Variants in UBR3 observed in about 807,000 individuals in gnomAD.
UBR3 encodes ubiquitin protein ligase E3 component n-recognin 3.
A neutral mutation model predicts 243.2 loss-of-function variants in UBR3; 85 were observed. The ratio of observed to expected loss-of-function variants is 0.35; its 90% CI spans 0.29 to 0.42. The LOEUF is 0.42. Ranked by LOEUF, UBR3 falls within the 10% of genes least tolerant of loss-of-function variation. The pLI, the probability that UBR3 is intolerant of heterozygous loss-of-function variation, is 1.00. For synonymous variants in UBR3, 748 were observed against 799.8 expected (o/e 0.94, Z 1.09); for missense variants, 1,686 against 2,300.8 (o/e 0.73, Z 5.47).
intron 5 of UBR3, among the ~76,000 whole-genome samples, chr2:169,883,686 A>G (rs904999992): frequency 2.6e-5 from 4 of 152,210 alleles, no homozygotes; most frequent in Admixed American, 6.5e-5. Flanking sequence ...TAGTGGCACT[A>G]TCTCTTGGGA....
intron 23 of UBR3, among the ~76,000 whole-genome samples, chr2:169,952,371 G>A (rs1259206809): frequency 6.6e-6 from 1 of 152,082 alleles, no homozygotes; most frequent in Non-Finnish European, 1.5e-5. Flanking sequence ...TTAGTTAGGA[G>A]GTCATCCGTT....
In UBR3 at chr2:169,827,841, C is replaced by A; in HGVS notation, c.334C>A (p.Arg112=). Residue 112 remains arginine (R), a synonymous_variant, in exon 1 of 39, where the codon CGG becomes AGG. Transcript: ENST00000272793. ...GGYDEFCAAV[R]AYDPAALCGL... The stretch of plus-strand genomic sequence containing the variant: ...CTACGACGAGTTCTGCGCGGCGGTG[C>A]GGGCCTACGATCCCGCGGCGCTCTG... 1 of 1,504,412 alleles carries A rather than the reference C, an allele frequency of 6.6e-7. No homozygotes were observed. The allele number at this position is 1,504,412 out of a possible 1,614,324, so 93.2% of individuals were successfully genotyped here.
At chr2:169,846,507 C>G (rs867159230) in intron 1 of UBR3, among the ~76,000 whole-genome samples, 2 of 151,962 alleles carry the variant, frequency 1.3e-5, no homozygotes, top group East Asian at 1.9e-4. Context: ...GTCAGGAGTT[C>G]GAGACCAGCC....
At chr2:169,875,431 C>A (rs892639686) in intron 2 of UBR3, among the ~76,000 whole-genome samples, 1 of 152,114 alleles carries the variant, frequency 6.6e-6, no homozygotes, top group Non-Finnish European at 1.5e-5. Context: ...CAGGCTTAAG[C>A]CATCCTCCTG....
chr2:169,836,041 CTCTATA>C (rs1248262000), intron 1 of UBR3, among the ~76,000 whole-genome samples: 5 of 8,420 alleles, frequency 5.9e-4, no homozygotes, highest in East Asian at 9.8e-3. Context: ...CTCTCTCTCT[CTCTATA>C]TATATATATA....
intron 26 of UBR3, among the ~76,000 whole-genome samples, chr2:169,997,276 T>C (rs1428428813): frequency 6.6e-6 from 1 of 152,178 alleles, no homozygotes; most frequent in Non-Finnish European, 1.5e-5. Flanking sequence ...GCTGGCAGGC[T>C]GCGCTCAACT....
chr2:170,012,458 G>C (rs2090113541), intron 29 of UBR3, among the ~76,000 whole-genome samples: 1 of 152,078 alleles, frequency 6.6e-6, no homozygotes, highest in Admixed American at 6.5e-5. Context: ...TGGAGAGATG[G>C]AACTAATATA....
At chr2:169,914,752 A>G (rs1006116398) in intron 11 of UBR3, among the ~76,000 whole-genome samples, 6 of 152,186 alleles carry the variant, frequency 3.9e-5, no homozygotes, top group Non-Finnish European at 8.8e-5. Context: ...TGTTTCAGAC[A>G]GCTCACCCCC....
chr2:169,918,253 T>C (rs1446716056), intron 11 of UBR3, among the ~76,000 whole-genome samples: 2 of 152,046 alleles, frequency 1.3e-5, no homozygotes, highest in African/African-American at 2.4e-5. Flanking sequence ...ATAATTCAAC[T>C]AGCTATGTGG....
At chr2:170,031,204 C>T (rs977518439) in intron 31 of UBR3, among the ~76,000 whole-genome samples, 3 of 152,026 alleles carry the variant, frequency 2.0e-5, no homozygotes, top group Admixed American at 6.6e-5. Flanking sequence ...CAGCCTCTCC[C>T]GTGTTGCTAG....
In UBR3 at chr2:169,946,266, G is replaced by A. The variant is rs374771691; in HGVS notation, c.2806-22G>A. The stretch of plus-strand genomic sequence containing the variant: ...TTTTGTGGAAAAAAGTAATTATGAG[G>A]CATTTTCTTCCCTTTTTAAAGATTT... On this transcript the variant is annotated intron_variant, in intron 20 of 38. Transcript: ENST00000272793. The A allele has an allele frequency of 3.3e-4, 430 of 1,311,392 alleles. 1 individual carries two copies. The South Asian group carries it at 6.1e-3, about 19-fold the overall frequency. 81.2% of individuals were successfully genotyped at this position (1,311,392 alleles called of 1,614,324 possible). A position where few individuals can be genotyped will look rare whatever the true frequency, so the allele number is the denominator to read the frequency against.
chr2:169,912,103 A>G (rs1388057073), intron 10 of UBR3, among the ~76,000 whole-genome samples: 1 of 152,192 alleles, frequency 6.6e-6, no homozygotes, highest in East Asian at 1.9e-4. Flanking sequence ...AGCTTTTTAA[A>G]AAGGCATATT....
chr2:170,074,416 ACCATTGCTGATGCC>A (rs2091763397), intron 36 of UBR3, among the ~76,000 whole-genome samples: 1 of 152,082 alleles, frequency 6.6e-6, no homozygotes, highest in African/African-American at 2.4e-5. Context: ...CTGCTTAAAC[ACCATTGCTGATGCC>A]CCATTGCCTA....
intron 1 of UBR3, among the ~76,000 whole-genome samples, chr2:169,870,698 G>A (rs1238032191): frequency 6.6e-6 from 1 of 151,310 alleles, no homozygotes; most frequent in South Asian, 2.1e-4. Context: ...TAGTCACCCA[G>A]GCTGGAGTGC....
chr2:170,046,508 T>G (rs1439613371), intron 32 of UBR3, among the ~76,000 whole-genome samples: 1 of 152,210 alleles, frequency 6.6e-6, no homozygotes, highest in Non-Finnish European at 1.5e-5. Flanking sequence ...CCTGTGTGTG[T>G]CCTACAGACT....
At chr2:170,015,392 A>T (rs767159912) in intron 30 of UBR3, 26 bp downstream of exon 30, 8 of 1,535,548 alleles carry the variant, frequency 5.2e-6, no homozygotes, top group Admixed American at 4.0e-5. Context: ...TGCTAAATTT[A>T]AAAAAAATTC....
intron 32 of UBR3, among the ~76,000 whole-genome samples, chr2:170,053,492 T>C (rs951402478): frequency 1.7e-4 from 26 of 152,168 alleles, no homozygotes; most frequent in African/African-American, 5.8e-4. Flanking sequence ...GTGCCTTTTT[T>C]CCCTTTGCTG....
chr2:169,877,668 T>C (rs1238197193), intron 4 of UBR3, 31 bp downstream of exon 4: 1 of 1,517,322 alleles, frequency 6.6e-7, no homozygotes, highest in African/African-American at 1.4e-5. Flanking sequence ...TGAACAGTTG[T>C]AACTTTTCTG....
intron 1 of UBR3, among the ~76,000 whole-genome samples, chr2:169,842,405 A>G (rs184303463): frequency 1.4e-4 from 21 of 152,300 alleles, no homozygotes; most frequent in African/African-American, 4.8e-4. Context: ...GGGTGGGGCC[A>G]GATAAGAGAA....
Sources: gnomAD v4.1 joint callset for allele counts (sites outside exome capture counted in the v4.1 genomes callset) on GRCh38, gnomAD v4.1.1 for gene constraint, MANE v1.5 for transcripts, NCBI Gene and HGNC (gene_info 2026-07-23, HGNC 2026-07-21) for gene names.